The following PSMA1 variants were observed in gnomAD, a reference collection of about 807,000 sequenced individuals.
PSMA1 encodes proteasome subunit alpha type-1.
Under a neutral mutation model 38.4 loss-of-function variants are expected in PSMA1, and 3 were observed. That is an observed-to-expected ratio of 0.08 (90% CI 0.04 to 0.20). PSMA1 has a LOEUF of 0.20. Among genes scored for constraint, PSMA1 ranks in the 10% least tolerant of loss-of-function variants. The pLI, the probability that PSMA1 is intolerant of heterozygous loss-of-function variation, is 1.00. For missense variants in PSMA1, 227 were observed against 325.3 expected, an observed-to-expected ratio of 0.70 and a Z score of 2.32; for synonymous variants, 101 against 107.1, an observed-to-expected ratio of 0.94 and a Z score of 0.35.
chr11:14,508,847 G>A (rs923708081), intron 8 of PSMA1, among the ~76,000 whole-genome samples: 2 of 151,746 alleles, frequency 1.3e-5, no homozygotes, highest in Non-Finnish European at 2.9e-5. Context: ...AAGTTTATTC[G>A]TTTGCCTCCA....
intron 4 of PSMA1, 110 bp downstream of exon 4, chr11:14,517,532 T>C: frequency 2.2e-6 from 2 of 904,096 alleles, no homozygotes. Context: ...TAATCTTAAT[T>C]TACAAGAACT....
intron 1 of PSMA1, among the ~76,000 whole-genome samples, chr11:14,632,020 T>C (rs1438921313): frequency 7.1e-6 from 1 of 141,636 alleles, no homozygotes; most frequent in Non-Finnish European, 1.5e-5. Flanking sequence ...ATTGGCTTGG[T>C]AGATCTTCCT....
chr11:14,637,548 T>G (rs1853125481), intron 1 of PSMA1, among the ~76,000 whole-genome samples: 1 of 152,206 alleles, frequency 6.6e-6, no homozygotes, highest in South Asian at 2.1e-4. Flanking sequence ...TTTTTTGTCT[T>G]CCCTATGTTT....
upstream of PSMA1, chr11:14,520,424 C>T (rs1851509965): frequency 1.9e-6 from 3 of 1,609,152 alleles, no homozygotes; most frequent in Middle Eastern, 1.7e-4. Flanking sequence ...CGCAGGGTAG[C>T]GCAGTCTATT....
Position 14,558,051 on chromosome 11 carries a change from C to T in PSMA1, c.22-39010G>A, listed in dbSNP as rs182651573. On this transcript the variant is annotated intron_variant, in intron 2 of 10. Coordinates refer to the PSMA1 transcript ENST00000418988. ...GAAGTCAAAGCCAGAGAAATGGTGC[C>T]GATAGTCAAATACAAACGATGAGCA... 4.4e-3 allele frequency among the ~76,000 whole-genome samples: 673 copies of T among 151,962 alleles called. 5 individuals are homozygous for T. The highest frequency in any genetic ancestry group is 7.3e-3 in the Non-Finnish European group (494 of 67,966).
rs528298426 is a variant in PSMA1, at chr11:14,509,552, C to T, written c.624+1320G>A. Among the ~76,000 whole-genome samples, 205 of 151,050 alleles carry T rather than the reference C, an allele frequency of 1.4e-3. 1 individual carries two copies. Among genetic ancestry groups the T allele is most frequent in the Non-Finnish European group, 2.3e-3 (158 of 67,738 alleles). The stretch of plus-strand genomic sequence containing the variant: ...GTCACCCAGGCTGGAGTGCATGCAC[C>T]GCCACGCCCGGCTGATTTTTGTATT... On this transcript the variant is annotated intron_variant, in intron 8 of 9. Coordinates refer to ENST00000396394, the MANE Select transcript of PSMA1 (RefSeq NM_002786.4).
intron 2 of PSMA1, among the ~76,000 whole-genome samples, chr11:14,598,694 C>T (rs184709431): frequency 7.3e-4 from 109 of 148,888 alleles, no homozygotes; most frequent in African/African-American, 2.5e-3. Flanking sequence ...GACTCTTTAT[C>T]TAGTTTGCCA....
rs1852699273 is a variant in PSMA1, at chr11:14,610,781, G to C, written c.21+185C>G. 6.8e-6 allele frequency: 4 copies of C among 589,632 alleles called. No homozygotes were observed. In the East Asian group the frequency reaches 1.2e-4, roughly 17 times the overall value. The allele number at this position is 589,632 out of a possible 1,614,324, so 36.5% of individuals were successfully genotyped here. On this transcript the variant is annotated intron_variant, in intron 2 of 10. Transcript: ENST00000418988. ...ATGACAAGGCTGGTATGATTTGCTG[G>C]ATTTGAGCATCTTCTTTCCTTTGCT...
At chr11:14,531,622 C>T (rs890632941) in intron 2 of PSMA1, among the ~76,000 whole-genome samples, 4 of 152,048 alleles carry the variant, frequency 2.6e-5, no homozygotes, top group East Asian at 1.9e-4. Context: ...ACCACACCCA[C>T]CTAATTTTTG....
At chr11:14,547,678 C>A (rs899178191) in intron 2 of PSMA1, among the ~76,000 whole-genome samples, 1 of 152,106 alleles carries the variant, frequency 6.6e-6, no homozygotes, top group African/African-American at 2.4e-5. Context: ...AACCAATAGA[C>A]AAGAGACAAC....
intron 2 of PSMA1, among the ~76,000 whole-genome samples, chr11:14,539,808 C>T (rs1156943104): frequency 1.3e-5 from 2 of 151,632 alleles, no homozygotes; most frequent in Admixed American, 6.6e-5. Context: ...GAGATTGCGC[C>T]ACTGCACTCC....
intron 2 of PSMA1, among the ~76,000 whole-genome samples, chr11:14,576,839 G>A (rs956140251): frequency 3.3e-5 from 5 of 152,110 alleles, no homozygotes; most frequent in African/African-American, 1.2e-4. Context: ...AGCTTGATGG[G>A]GATGGCATTG....
chr11:14,639,165 A>C (rs1241916107), intron 1 of PSMA1, among the ~76,000 whole-genome samples: 1 of 152,174 alleles, frequency 6.6e-6, no homozygotes, highest in East Asian at 1.9e-4. Context: ...ACTTGAGTTA[A>C]AATAAAAAAT....
Position 14,505,092 on chromosome 11 carries a change from C to T in PSMA1, c.*100G>A, listed in dbSNP as rs985348921. On this transcript the variant is annotated 3_prime_UTR_variant, in exon 10 of 10. Transcript: ENST00000396394. ...TGATTCCTAAAACATAGCATTCCAC[C>T]ACTCTGCAACTTTTGGTTCAAAGTA... 2.8e-5 allele frequency: 31 copies of T among 1,091,532 alleles called. No homozygotes were observed. The highest frequency in any genetic ancestry group is 1.6e-4 in the South Asian group (13 of 79,682). The allele number at this position is 1,091,532 out of a possible 1,614,324, so 67.6% of individuals were successfully genotyped here.
intron 2 of PSMA1, among the ~76,000 whole-genome samples, chr11:14,547,423 G>A (rs1435608041): frequency 2.0e-5 from 3 of 152,144 alleles, no homozygotes; most frequent in African/African-American, 7.2e-5. Context: ...CAAAACATTA[G>A]AGTCAAAAGG....
At chr11:14,629,761 T>C (rs1029590451) in intron 1 of PSMA1, among the ~76,000 whole-genome samples, 7 of 150,590 alleles carry the variant, frequency 4.6e-5, no homozygotes, top group Non-Finnish European at 1.0e-4. Flanking sequence ...CCTTGGGCAG[T>C]ATGGCCATTT....
chr11:14,611,670 G>A (rs968718354), intron 1 of PSMA1, among the ~76,000 whole-genome samples: 1 of 151,948 alleles, frequency 6.6e-6, no homozygotes, highest in Admixed American at 6.6e-5. Context: ...TTTTTTTGTT[G>A]GATCCCAGGA....
At chr11:14,524,890 C>G (rs1851569873), upstream of PSMA1, among the ~76,000 whole-genome samples, 1 of 152,146 alleles carries the variant, frequency 6.6e-6, no homozygotes, top group South Asian at 2.1e-4. Flanking sequence ...CCCAGAGCCC[C>G]TGGAACTCTG....
chr11:14,537,698 T>G (rs1431193185), intron 2 of PSMA1, among the ~76,000 whole-genome samples: 1 of 148,886 alleles, frequency 6.7e-6, no homozygotes, highest in Non-Finnish European at 1.5e-5. Flanking sequence ...AATTTTAATG[T>G]GGTAAAATTA....
Sources: gnomAD v4.1 joint callset for allele counts (sites outside exome capture counted in the v4.1 genomes callset) on GRCh38, gnomAD v4.1.1 for gene constraint, MANE v1.5 for transcripts, NCBI Gene and HGNC (gene_info 2026-07-23, HGNC 2026-07-21) for gene names.